BMP1: variants seen among roughly 807,000 people sequenced by gnomAD.
BMP1 encodes bone morphogenetic protein 1.
A neutral mutation model predicts 116.8 loss-of-function variants in BMP1; 63 were observed. That is an observed-to-expected ratio of 0.54 (90% confidence interval 0.44 to 0.67). The LOEUF (loss-of-function observed/expected upper bound fraction) is 0.67. BMP1 is among the 30% of genes least tolerant of loss of function. The probability of loss-of-function intolerance (pLI) is 0.00; values close to 1 mark genes in which losing one functional copy is unlikely to be tolerated. For synonymous variants in BMP1, 536 were observed against 533.4 expected (o/e 1.00, Z -0.07); for missense variants, 1,183 against 1,358.9 (o/e 0.87, Z 2.04).
At chr8:22,205,110 G>A (rs1043724372) in intron 16 of BMP1, among the ~76,000 whole-genome samples, 12 of 152,170 alleles carry the variant, frequency 7.9e-5, no homozygotes, top group African/African-American at 2.2e-4. Context: ...TTTGCAGGTC[G>A]GAGTCCAGAG....
intron 8 of BMP1, among the ~76,000 whole-genome samples, chr8:22,190,995 C>T (rs1296343896): frequency 1.3e-5 from 2 of 152,122 alleles, no homozygotes; most frequent in East Asian, 1.9e-4. Context: ...TGGGACCTAC[C>T]GAGGAAGTGG....
chr8:22,192,114 G>A lies in BMP1; in HGVS notation c.1143G>A (p.Glu381=), dbSNP rs1424806573. 6.2e-7 allele frequency: 1 copy of A among 1,613,916 alleles called. No homozygotes were observed. Residue 381 remains glutamate, a synonymous_variant, in exon 9 of 20, where the codon GAG becomes GAA. Coordinates refer to ENST00000306385, the MANE Select transcript of BMP1 (RefSeq NM_006129.5). The stretch of plus-strand genomic sequence containing the variant: ...GCCTGTGCTGGTACGACTATGTGGA[G>A]GTCCGAGATGGCTTCTGGAGGAAGG... ...RSRLCWYDYV[E]VRDGFWRKAP... is the part of the protein sequence containing the mutation.
At chr8:22,203,981 T>C (rs1450864215) in intron 16 of BMP1, among the ~76,000 whole-genome samples, 2 of 152,248 alleles carry the variant, frequency 1.3e-5, no homozygotes, top group Non-Finnish European at 2.9e-5. Flanking sequence ...TGATTCACCT[T>C]AGAAGCATGT....
At chr8:22,201,365 C>T (rs568057864) in intron 15 of BMP1, 14 of 1,475,444 alleles carry the variant, frequency 9.5e-6, no homozygotes, top group East Asian at 7.3e-5. Flanking sequence ...CCACTGTGCC[C>T]GTCCGCGGAC....
intron 16 of BMP1, among the ~76,000 whole-genome samples, chr8:22,204,595 A>G (rs1279352318): frequency 6.6e-6 from 1 of 152,140 alleles, no homozygotes; most frequent in Non-Finnish European, 1.5e-5. Flanking sequence ...TGGTGGCGCA[A>G]GCCTATAGTC....
chr8:22,174,150 G>T (rs1221824931), intron 2 of BMP1, among the ~76,000 whole-genome samples: 1 of 152,156 alleles, frequency 6.6e-6, no homozygotes. Flanking sequence ...GCCCAACACT[G>T]CAATCCCTCC....
chr8:22,201,362 G>T (rs1052955182), intron 15 of BMP1: 39 of 1,477,352 alleles, frequency 2.6e-5, no homozygotes, highest in Non-Finnish European at 3.5e-5. Flanking sequence ...TCCCCACTGT[G>T]CCCGTCCGCG....
Position 22,177,087 on chromosome 8 carries a change from T to G in BMP1, c.678T>G (p.Thr226=). ...TCGTCGGCTTCTGGCACGAACACAC[T>G]CGGCCAGACCGGGACCGCCACGTTT... is the stretch of plus-strand genomic sequence containing the variant. ...GHVVGFWHEH[T]RPDRDRHVSI... is the part of the protein sequence containing the mutation. The change falls in exon 5 of 20, where the codon ACT becomes ACG. Residue 226 remains threonine, a synonymous_variant. Transcript: ENST00000306385. 1 of 1,612,196 alleles carries G rather than the reference T, an allele frequency of 6.2e-7. No homozygotes were observed. The highest frequency in any genetic ancestry group is 8.5e-7 in the Non-Finnish European group (1 of 1,179,268).
In BMP1 at chr8:22,207,385, C is replaced by T. The variant is rs370543669; in HGVS notation, c.2444C>T (p.Ala815Val). The T allele has an allele frequency of 8.1e-6, 13 of 1,614,062 alleles. No homozygotes were observed. Among genetic ancestry groups the T allele is most frequent in the African/African-American group, 1.3e-5 (1 of 74,950 alleles). ...GTGTTCGACGGGCGAGACGCCAAGG[C>T]CCCCGTCCTCGGCCGCTTCTGTGGG... ...LEVFDGRDAK[A>V]PVLGRFCGSK... Residue 815 changes from alanine (A) to valine (V), a missense_variant, in exon 18 of 20, where the codon GCC becomes GTC. This residue lies in a region of BMP1 where 956 missense variants were observed against 1,135.2 expected (regional missense o/e 0.84). Transcript: ENST00000306385.
At chr8:22,204,812 G>T (rs565433687) in intron 16 of BMP1, among the ~76,000 whole-genome samples, 1 of 151,886 alleles carries the variant, frequency 6.6e-6, no homozygotes, top group South Asian at 2.1e-4. Context: ...GGATTGAGGA[G>T]ACCTGCCGTG....
At chr8:22,200,989 TCCCGCC>T in intron 15 of BMP1, 2 of 137,110 alleles carry the variant, frequency 1.5e-5, no homozygotes, top group South Asian at 5.5e-5. Context: ...CCGCCTGCCC[TCCCGCC>T]CCACCCTGCC....
intron 15 of BMP1, among the ~76,000 whole-genome samples, chr8:22,200,806 C>G (rs1469182191): frequency 2.0e-5 from 3 of 152,168 alleles, no homozygotes; most frequent in African/African-American, 7.2e-5. Context: ...CGACGACTCC[C>G]CAGTTCTCTC....
At chr8:22,195,761 C>T (rs1829066957) in intron 13 of BMP1, among the ~76,000 whole-genome samples, 174 bp downstream of exon 13, 1 of 152,122 alleles carries the variant, frequency 6.6e-6, no homozygotes, top group African/African-American at 2.4e-5. Context: ...ATCCTCCCAC[C>T]TCAGCCTCCC....
At chr8:22,204,040 C>T (rs1385685136) in intron 16 of BMP1, among the ~76,000 whole-genome samples, 1 of 152,200 alleles carries the variant, frequency 6.6e-6, no homozygotes, top group African/African-American at 2.4e-5. Context: ...GTAAGCATTT[C>T]CTGATTCCTA....
intron 19 of BMP1, 34 bp downstream of exon 19, chr8:22,209,729 T>TGACCCAC (rs1554488397): frequency 6.9e-7 from 1 of 1,442,780 alleles, no homozygotes; most frequent in Non-Finnish European, 9.3e-7. Flanking sequence ...CCTGGCCCCA[T>TGACCCAC]GCCCCACGCC....
intron 1 of BMP1, chr8:22,171,097 T>A (rs1210182542): frequency 6.6e-6 from 1 of 152,230 alleles, no homozygotes; most frequent in Non-Finnish European, 1.5e-5. Flanking sequence ...CTGGGAAGCA[T>A]CTTCTGTTGC....
At position 22,196,744 on chromosome 8, in the gene BMP1, G is replaced by A. The variant is rs1829103918; in HGVS notation, c.1830G>A (p.Glu610=). ...TCACCAGCCCGGGCTGGCCCAAGGAGTACCCCCCCAACAAGAACTGCATCT... is the reference window on the plus strand; with the variant it reads ...TCACCAGCCCGGGCTGGCCCAAGGAATACCCCCCCAACAAGAACTGCATCT... ...GSITSPGWPK[E]YPPNKNCIWQ... Residue 610 remains glutamate (E), a synonymous_variant, in exon 14 of 20, where the codon GAG becomes GAA. Transcript: ENST00000306385. 1 of 1,614,002 alleles carries A rather than the reference G, an allele frequency of 6.2e-7. No homozygotes were observed. The highest frequency in any genetic ancestry group is 1.3e-5 in the African/African-American group (1 of 74,984).
At chr8:22,191,789 T>A (rs1217185712) in intron 8 of BMP1, among the ~76,000 whole-genome samples, 1 of 152,208 alleles carries the variant, frequency 6.6e-6, no homozygotes, top group African/African-American at 2.4e-5. Context: ...TCTAATTGAC[T>A]ATGAAGAGAG....
At chr8:22,209,368 C>A (rs913478090) in intron 18 of BMP1, 77 bp from the exon 19 acceptor site, 10 of 1,560,824 alleles carry the variant, frequency 6.4e-6, no homozygotes, top group Middle Eastern at 3.5e-4. Flanking sequence ...GCCGTGAGGG[C>A]ACGCCATGGC....
Sources: gnomAD v4.1 joint callset for allele counts (sites outside exome capture counted in the v4.1 genomes callset) on GRCh38, gnomAD v4.1.1 for gene constraint, gnomAD v4.1.1 regional missense constraint, MANE v1.5 for transcripts, NCBI Gene and HGNC (gene_info 2026-07-23, HGNC 2026-07-21) for gene names.